RBPMS2: variants seen among roughly 807,000 people sequenced by gnomAD.
RBPMS2 encodes RNA-binding protein with multiple splicing 2.
RBPMS2 carries 14 observed loss-of-function variants against 25.7 expected under a neutral mutation model. The ratio of observed to expected loss-of-function variants is 0.55; its 90% confidence interval spans 0.36 to 0.85. The LOEUF (loss-of-function observed/expected upper bound fraction) is 0.85, where lower values mean the gene tolerates loss of function less well. Among genes scored for constraint, RBPMS2 ranks in the 40% least tolerant of loss-of-function variants. The pLI is 0.01. For missense variants in RBPMS2, 252 were observed against 283.4 expected, an observed-to-expected ratio of 0.89 and a Z score of 0.80; for synonymous variants, 127 against 115.6, an observed-to-expected ratio of 1.10 and a Z score of -0.63.
At chr15:64,762,222 G>T (rs1320086297) in intron 1 of RBPMS2, among the ~76,000 whole-genome samples, 1 of 152,136 alleles carries the variant, frequency 6.6e-6, no homozygotes, top group Admixed American at 6.6e-5. Flanking sequence ...GGGGGGTGGG[G>T]GGTGGTCCCA....
intron 1 of RBPMS2, among the ~76,000 whole-genome samples, chr15:64,752,362 T>C (rs2083690741): frequency 2.0e-5 from 3 of 152,092 alleles, no homozygotes; most frequent in Admixed American, 1.3e-4. Context: ...CAGAGTCCCA[T>C]GCCCACTATC....
chr15:64,746,319 C>A (rs1281209337), intron 6 of RBPMS2, among the ~76,000 whole-genome samples: 3 of 152,168 alleles, frequency 2.0e-5, no homozygotes, highest in Non-Finnish European at 4.4e-5. Flanking sequence ...AACTCAGGCA[C>A]AAAGAGGCCT....
At chr15:64,751,098 G>GC (rs2083674333) in intron 2 of RBPMS2, among the ~76,000 whole-genome samples, 1 of 152,070 alleles carries the variant, frequency 6.6e-6, no homozygotes, top group Non-Finnish European at 1.5e-5. Context: ...ACTTTGGGAG[G>GC]CCGGGGCGGG....
chr15:64,744,702 C>T (rs184569099), intron 6 of RBPMS2, among the ~76,000 whole-genome samples: 41 of 150,878 alleles, frequency 2.7e-4, no homozygotes, highest in African/African-American at 9.5e-4. Flanking sequence ...TGGACACATT[C>T]GTACAATGGT....
intron 1 of RBPMS2, among the ~76,000 whole-genome samples, chr15:64,769,233 C>A (rs1374322367): frequency 1.3e-5 from 2 of 150,914 alleles, no homozygotes; most frequent in Non-Finnish European, 2.9e-5. Flanking sequence ...GAGGCCGAGG[C>A]CTCCCAACAT....
chr15:64,762,372 A>AG (rs71133474), intron 1 of RBPMS2: 534,209 of 534,218 alleles, frequency 1, 267,100 homozygotes, highest in Non-Finnish European at 1. Context: ...GTGCTGGAGC[A>AG]GGCCCAGCCA....
intron 1 of RBPMS2, among the ~76,000 whole-genome samples, chr15:64,765,677 G>A (rs1366045980): frequency 6.6e-6 from 1 of 152,174 alleles, no homozygotes. Flanking sequence ...CAGGCACGGT[G>A]GCTCACACCT....
chr15:64,749,534 C>T (rs939817567), intron 3 of RBPMS2, 41 bp from the exon 4 acceptor site: 3 of 1,490,442 alleles, frequency 2.0e-6, no homozygotes, highest in African/African-American at 1.4e-5. Flanking sequence ...TCTCTCCTAG[C>T]ATTCCACCTC....
At chr15:64,751,448 C>T in intron 2 of RBPMS2, 113 bp downstream of exon 2, 2 of 847,354 alleles carry the variant, frequency 2.4e-6, no homozygotes, top group Admixed American at 3.7e-5. Context: ...GCCCCCACAG[C>T]TTCTGCCACG....
In RBPMS2 at chr15:64,748,515, G is replaced by A; in HGVS notation, c.471C>T (p.Pro157=). The change falls in exon 6 of 8, where the codon CCC becomes CCT. Residue 157 remains proline, a synonymous_variant. Transcript: ENST00000300069. ...TCAGCTCTGTGGTGTACAAAGGGTA[G>A]GGGGCCCAGGCCTCTGGGGATGCAG... ...LIPASPEAWA[P]YPLYTTELTP... is the part of the protein sequence containing the mutation. 6.2e-7 allele frequency: 1 copy of A among 1,610,556 alleles called. No homozygotes were observed. Among genetic ancestry groups the A allele is most frequent in the South Asian group, 1.1e-5 (1 of 90,760 alleles).
chr15:64,752,961 T>C lies in RBPMS2; in HGVS notation c.88-1323A>G, dbSNP rs552884731. Among the ~76,000 whole-genome samples the C allele has an allele frequency of 1.9e-3, 286 of 152,250 alleles. 1 individual carries two copies. Among genetic ancestry groups the C allele is most frequent in the Middle Eastern group, 6.8e-3 (2 of 294 alleles). ...CCCCAACATGGTTACAAGCCAGATC[T>C]AAACACTAGGTGTCCATCCTGTGAC... On this transcript the variant is annotated intron_variant, in intron 1 of 7. Coordinates refer to ENST00000300069, the MANE Select transcript of RBPMS2 (RefSeq NM_194272.3).
chr15:64,768,315 C>G (rs999601274), intron 1 of RBPMS2, among the ~76,000 whole-genome samples: 4 of 152,044 alleles, frequency 2.6e-5, no homozygotes, highest in African/African-American at 9.7e-5. Flanking sequence ...CGAGAGCAGC[C>G]TGGGCAGCAA....
intron 1 of RBPMS2, among the ~76,000 whole-genome samples, chr15:64,760,839 C>T (rs1191728795): frequency 1.3e-5 from 2 of 151,630 alleles, no homozygotes; most frequent in Admixed American, 6.6e-5. Flanking sequence ...CCCTTCTCCA[C>T]CAAGGATACT....
At position 64,740,810 on chromosome 15, in the gene RBPMS2, G is replaced by A. The variant is rs540457942; in HGVS notation, c.*198C>T. ...ATCCTCCTGGGAGGCATTGGAGAAA[G>A]GCTTGAGGGTGCAGAACAAGGTGAG... On this transcript the variant is annotated 3_prime_UTR_variant, in exon 8 of 8. Transcript: ENST00000300069. 1 of 172,802 alleles carries A rather than the reference G, an allele frequency of 5.8e-6. No individual in the cohort carries two copies. The highest frequency in any genetic ancestry group is 1.6e-4 in the East Asian group (1 of 6,152). The allele number at this position is 172,802 out of a possible 1,614,324, so 10.7% of individuals were successfully genotyped here.
chr15:64,753,630 C>T (rs1037723199), intron 1 of RBPMS2, among the ~76,000 whole-genome samples: 3 of 152,136 alleles, frequency 2.0e-5, no homozygotes, highest in African/African-American at 7.2e-5. Flanking sequence ...ACAAACCTCA[C>T]GTGAGCTTTT....
At chr15:64,762,386 C>T (rs1375362942) in intron 1 of RBPMS2, 1 of 534,454 alleles carries the variant, frequency 1.9e-6, no homozygotes, top group East Asian at 5.4e-5. Flanking sequence ...CCAGCCATCC[C>T]TACCAGCCCA....
At chr15:64,754,316 A>G (rs2083711591) in intron 1 of RBPMS2, among the ~76,000 whole-genome samples, 1 of 151,708 alleles carries the variant, frequency 6.6e-6, no homozygotes, top group South Asian at 2.1e-4. Flanking sequence ...CATCTCAGAA[A>G]AAAAGAAAAA....
chr15:64,755,844 C>CT (rs1433927179), intron 1 of RBPMS2, among the ~76,000 whole-genome samples: 1 of 151,322 alleles, frequency 6.6e-6, no homozygotes, highest in African/African-American at 2.4e-5. Context: ...AGCCCACCCA[C>CT]TCCAGGGCCC....
intron 2 of RBPMS2, among the ~76,000 whole-genome samples, chr15:64,751,312 G>A (rs533411050): frequency 1.7e-4 from 26 of 149,500 alleles, no homozygotes; most frequent in Admixed American, 9.5e-4. Context: ...TAGCCTGGGC[G>A]GCAGAGCAAG....
Sources: gnomAD v4.1 joint callset for allele counts (sites outside exome capture counted in the v4.1 genomes callset) on GRCh38, gnomAD v4.1.1 for gene constraint, MANE v1.5 for transcripts, NCBI Gene and HGNC (gene_info 2026-07-23, HGNC 2026-07-21) for gene names.